The following SCN10A variants were observed in gnomAD, a reference collection of about 807,000 sequenced individuals.
SCN10A encodes sodium voltage-gated channel alpha subunit 10, also known as sodium channel protein type 10 subunit alpha.
In SCN10A, 162 loss-of-function variants were observed where a neutral mutation model predicts 170.7. The ratio of observed to expected loss-of-function variants is 0.95; its 90% CI spans 0.84 to 1.08. The LOEUF is 1.08. Ranked by LOEUF, SCN10A falls within the 50% of genes least tolerant of loss-of-function variation. The probability of loss-of-function intolerance (pLI) is 0.00; values close to 1 mark genes in which losing one functional copy is unlikely to be tolerated. For synonymous variants in SCN10A, 985 were observed against 904.6 expected, an observed-to-expected ratio of 1.09 and a Z score of -1.59; for missense variants, 2,527 against 2,436.9, an observed-to-expected ratio of 1.04 and a Z score of -0.78.
At chr3:38,723,313 G>A in intron 19 of SCN10A, 117 bp downstream of exon 19, 1 of 1,294,102 alleles carries the variant, frequency 7.7e-7, no homozygotes, top group South Asian at 1.3e-5. Flanking sequence ...GCCTGGGAGT[G>A]AGGCAGCAAG....
At chr3:38,810,354 G>C (rs183362404) in intron 1 of SCN10A, among the ~76,000 whole-genome samples, 1 of 152,154 alleles carries the variant, frequency 6.6e-6, no homozygotes, top group Non-Finnish European at 1.5e-5. Context: ...GGGAAGCAAA[G>C]GATACGCAGG....
intron 7 of SCN10A, 37 bp from the exon 8 acceptor site, chr3:38,760,784 T>C (rs1469035279): frequency 1.3e-6 from 2 of 1,538,490 alleles, no homozygotes; most frequent in East Asian, 4.5e-5. Context: ...CACAGATGGT[T>C]CTGAACCCTC....
Position 38,726,628 on chromosome 3 carries a change from T to C in SCN10A, c.3065A>G (p.Gln1022Arg), listed in dbSNP as rs1300252512. The C allele has an allele frequency of 6.3e-7, 1 of 1,592,928 alleles. No individual in the cohort carries two copies. The highest frequency in any genetic ancestry group is 8.6e-7 in the Non-Finnish European group (1 of 1,164,368). ...DGGEDAQSFQ[Q>R]EVIPKGQQEQ... Reference sequence around the variant, plus strand: ...TACCTGTCCTTTGGGGATCACTTCCTGCTGGAAGCTCTGAGCATCTTCCCC... The same window carrying C: ...TACCTGTCCTTTGGGGATCACTTCCCGCTGGAAGCTCTGAGCATCTTCCCC... The change falls in exon 17 of 28, where the codon CAG becomes CGG. Residue 1022 changes from glutamine (Q) to arginine (R), a missense_variant. Gln to Arg is a conservative substitution (Grantham distance 43). Coordinates refer to ENST00000449082, the MANE Select transcript of SCN10A (RefSeq NM_006514.4).
At chr3:38,708,219 G>C (rs368613923) in intron 25 of SCN10A, among the ~76,000 whole-genome samples, 1 of 152,244 alleles carries the variant, frequency 6.6e-6, no homozygotes, top group African/African-American at 2.4e-5. Flanking sequence ...GGGAGAGAAG[G>C]AAAGGGCAAG....
chr3:38,747,867 A>G (rs1016040449), intron 13 of SCN10A, among the ~76,000 whole-genome samples: 1 of 152,264 alleles, frequency 6.6e-6, no homozygotes, highest in East Asian at 1.9e-4. Flanking sequence ...AGAATTTTCC[A>G]TCTCCTTTCC....
At chr3:38,740,967 A>G (rs1387459613) in intron 14 of SCN10A, among the ~76,000 whole-genome samples, 1 of 151,906 alleles carries the variant, frequency 6.6e-6, no homozygotes, top group Non-Finnish European at 1.5e-5. Context: ...TTTCCTTTTC[A>G]TATCAACTTT....
chr3:38,797,678 G>A (rs779545118), intron 1 of SCN10A, among the ~76,000 whole-genome samples: 3 of 152,244 alleles, frequency 2.0e-5, no homozygotes, highest in East Asian at 1.9e-4. Flanking sequence ...GGGGAGAAGA[G>A]ATACTTATAG....
At chr3:38,772,598 A>G (rs969580382) in intron 4 of SCN10A, among the ~76,000 whole-genome samples, 2 of 152,070 alleles carry the variant, frequency 1.3e-5, no homozygotes, top group East Asian at 3.9e-4. Flanking sequence ...CTGAGGCGGG[A>G]GAATGGCGTG....
At chr3:38,721,487 T>C (rs975358607) in intron 20 of SCN10A, among the ~76,000 whole-genome samples, 1 of 152,188 alleles carries the variant, frequency 6.6e-6, no homozygotes, top group African/African-American at 2.4e-5. Context: ...GTAGTTGAGA[T>C]TGTGTAAGGA....
At chr3:38,775,114 A>T (rs549473092) in intron 4 of SCN10A, among the ~76,000 whole-genome samples, 1 of 152,342 alleles carries the variant, frequency 6.6e-6, no homozygotes, top group Non-Finnish European at 1.5e-5. Context: ...AAAATTTACC[A>T]CTTTCACCAT....
intron 5 of SCN10A, among the ~76,000 whole-genome samples, chr3:38,763,898 C>A (rs530007804): frequency 6.6e-6 from 1 of 152,170 alleles, no homozygotes; most frequent in Non-Finnish European, 1.5e-5. Flanking sequence ...AGAAGGAGAC[C>A]GCCATGTCAG....
At chr3:38,704,500 G>A (rs560258646) in intron 26 of SCN10A, among the ~76,000 whole-genome samples, 17 of 152,306 alleles carry the variant, frequency 1.1e-4, no homozygotes, top group Non-Finnish European at 1.8e-4. Context: ...ATTAGCCCAC[G>A]GTCAGGGATC....
rs2063110704 is a variant in SCN10A, at chr3:38,697,897, G to A, written c.5323C>T (p.Leu1775=). 1 of 1,613,990 alleles carries A rather than the reference G, an allele frequency of 6.2e-7. No homozygotes were observed. Among genetic ancestry groups the A allele is most frequent in the Admixed American group, 1.7e-5 (1 of 60,002 alleles). The change falls in exon 28 of 28, where the codon CTG becomes TTG. Residue 1775 remains leucine, a synonymous_variant. Coordinates refer to ENST00000449082, the MANE Select transcript of SCN10A (RefSeq NM_006514.4). ...SDFADTLSGP[L]RIPKPNRNIL... ...TTTCGATTGGGTTTTGGGATTCTCA[G>A]GGGACCAGAGAGAGTGTCTGCAAAG... is the stretch of plus-strand genomic sequence containing the variant.
intron 1 of SCN10A, among the ~76,000 whole-genome samples, chr3:38,810,120 C>T (rs968556549): frequency 6.6e-6 from 1 of 152,184 alleles, no homozygotes; most frequent in African/African-American, 2.4e-5. Context: ...GCTCATAAAG[C>T]AACTGTATGG....
chr3:38,760,245 T>G (rs1462260272), intron 8 of SCN10A, among the ~76,000 whole-genome samples: 1 of 152,206 alleles, frequency 6.6e-6, no homozygotes, highest in African/African-American at 2.4e-5. Flanking sequence ...CCTTGCAAAC[T>G]TCCACTGTTT....
At chr3:38,748,540 C>A (rs1208485374) in intron 13 of SCN10A, among the ~76,000 whole-genome samples, 3 of 152,174 alleles carry the variant, frequency 2.0e-5, no homozygotes, top group Admixed American at 1.3e-4. Flanking sequence ...GAGAGTTGAG[C>A]TGGTCCTTTG....
intron 4 of SCN10A, among the ~76,000 whole-genome samples, chr3:38,775,770 G>C (rs2064065458): frequency 6.6e-6 from 1 of 152,216 alleles, no homozygotes; most frequent in Middle Eastern, 3.4e-3. Flanking sequence ...ACATTATAAG[G>C]AATGCAATAC....
At position 38,756,800 on chromosome 3, in the gene SCN10A, C is replaced by A; in HGVS notation, c.1164G>T (p.Leu388=). 1 of 1,614,136 alleles carries A rather than the reference C, an allele frequency of 6.2e-7. No individual in the cohort carries two copies. The highest frequency in any genetic ancestry group is 8.5e-7 in the Non-Finnish European group (1 of 1,180,024). The part of the protein sequence containing the change: ...VLVIFLGSFY[L]VNLILAVVTM... ...TGACTACAGCCAAGATCAAGTTGAC[C>A]AGGTAGAAAGATCCCAGGAAGATTA... Residue 388 remains leucine, a synonymous_variant, in exon 10 of 28, where the codon CTG becomes CTT. Transcript: ENST00000449082.
intron 22 of SCN10A, among the ~76,000 whole-genome samples, chr3:38,713,527 A>G (rs1374359245): frequency 6.6e-6 from 1 of 152,090 alleles, no homozygotes; most frequent in Middle Eastern, 3.2e-3. Flanking sequence ...GCCCACAAAA[A>G]GACTTGAAAG....
Sources: allele counts gnomAD v4.1 joint callset (sites outside exome capture counted in the v4.1 genomes callset), GRCh38; gene constraint gnomAD v4.1.1; transcripts MANE v1.5; gene names NCBI Gene and HGNC (gene_info 2026-07-23, HGNC 2026-07-21).